The following OLFM3 variants were observed in gnomAD, a reference collection of about 807,000 sequenced individuals.
The protein encoded by OLFM3 is noelin-3.
A neutral mutation model predicts 48.6 loss-of-function variants in OLFM3; 20 were observed. The ratio of observed to expected loss-of-function variants is 0.41; its 90% CI spans 0.29 to 0.60. The LOEUF (loss-of-function observed/expected upper bound fraction) is 0.60. Ranked by LOEUF, OLFM3 falls within the 20% of genes least tolerant of loss-of-function variation. The pLI, the probability that OLFM3 is intolerant of heterozygous loss-of-function variation, is 0.28. For missense variants in OLFM3, 437 were observed against 544.3 expected (o/e 0.80, Z 1.96); for synonymous variants, 222 against 198.1 (o/e 1.12, Z -1.01).
chr1:101,940,954 G>A (rs748752583), intron 1 of OLFM3, among the ~76,000 whole-genome samples: 28 of 152,056 alleles, frequency 1.8e-4, no homozygotes, highest in Non-Finnish European at 4.0e-4. Context: ...TCCTGAATCT[G>A]TACTGGTGGA....
intron 1 of OLFM3, among the ~76,000 whole-genome samples, chr1:101,955,996 A>T (rs2101076828): frequency 6.6e-6 from 1 of 151,288 alleles, no homozygotes; most frequent in South Asian, 2.1e-4. Context: ...TCTATTTCTC[A>T]GTTTATACAT....
chr1:101,825,397 A>T (rs1394771548), intron 3 of OLFM3, 152 bp from the exon 4 acceptor site: 3 of 651,256 alleles, frequency 4.6e-6, no homozygotes, highest in Non-Finnish European at 7.8e-6. Flanking sequence ...TGAAAATTTA[A>T]GCGGTCATGT....
At chr1:101,843,427 G>A (rs537540807) in intron 1 of OLFM3, among the ~76,000 whole-genome samples, 7 of 152,238 alleles carry the variant, frequency 4.6e-5, no homozygotes, top group South Asian at 4.1e-4. Context: ...CAAGAGACGC[G>A]CCAGAGGGAG....
intron 1 of OLFM3, among the ~76,000 whole-genome samples, chr1:101,960,647 C>T (rs949857371): frequency 5.9e-5 from 9 of 151,352 alleles, no homozygotes; most frequent in African/African-American, 1.7e-4. Flanking sequence ...GCCAAATTGC[C>T]TTATTAATTC....
chr1:101,924,868 T>C (rs1280844260), intron 1 of OLFM3, among the ~76,000 whole-genome samples: 1 of 152,132 alleles, frequency 6.6e-6, no homozygotes, highest in Non-Finnish European at 1.5e-5. Flanking sequence ...AACAATGTAG[T>C]AAGAAGCTGA....
At chr1:101,927,903 T>C (rs529961233) in intron 1 of OLFM3, among the ~76,000 whole-genome samples, 1 of 152,044 alleles carries the variant, frequency 6.6e-6, no homozygotes, top group Non-Finnish European at 1.5e-5. Flanking sequence ...TCTTGAATTT[T>C]TGATAAAAAC....
intron 1 of OLFM3, among the ~76,000 whole-genome samples, chr1:101,921,977 T>G (rs1557731435): frequency 1.3e-5 from 2 of 152,178 alleles, no homozygotes; most frequent in South Asian, 4.1e-4. Flanking sequence ...AAGAATGGCT[T>G]GAACCCGGGA....
chr1:101,884,334 T>C (rs900758732), intron 1 of OLFM3, among the ~76,000 whole-genome samples: 4 of 151,916 alleles, frequency 2.6e-5, no homozygotes, highest in African/African-American at 4.8e-5. Flanking sequence ...AGATTGACTT[T>C]AAAAATGTCA....
chr1:101,934,219 C>T (rs1386963037), intron 1 of OLFM3, among the ~76,000 whole-genome samples: 4 of 152,142 alleles, frequency 2.6e-5, no homozygotes, highest in Non-Finnish European at 4.4e-5. Context: ...CTTCAAGAGA[C>T]ACATCTCTCA....
chr1:101,956,565 C>A (rs1660304400), intron 1 of OLFM3, among the ~76,000 whole-genome samples: 1 of 151,872 alleles, frequency 6.6e-6, no homozygotes, highest in Admixed American at 6.6e-5. Flanking sequence ...CAGAGTTCTA[C>A]CTTCAATGGG....
At chr1:101,831,980 A>G (rs763370649) in intron 2 of OLFM3, among the ~76,000 whole-genome samples, 6 of 151,988 alleles carry the variant, frequency 3.9e-5, no homozygotes, top group Non-Finnish European at 8.8e-5. Flanking sequence ...TCAGCTCACC[A>G]CAACCTCCGC....
intron 1 of OLFM3, among the ~76,000 whole-genome samples, chr1:101,989,253 G>C (rs1230321020): frequency 1.3e-5 from 2 of 152,072 alleles, no homozygotes; most frequent in Non-Finnish European, 2.9e-5. Flanking sequence ...GGCTTGGTAT[G>C]AAAATAACAG....
chr1:101,921,234 A>ACACACAC (rs1659085476), intron 1 of OLFM3, among the ~76,000 whole-genome samples: 1 of 102,256 alleles, frequency 9.8e-6, no homozygotes, highest in Non-Finnish European at 2.2e-5. Context: ...CACACACACA[A>ACACACAC]ATATTCCTTT....
At chr1:101,944,786 A>T (rs1346724352) in intron 1 of OLFM3, among the ~76,000 whole-genome samples, 1 of 152,004 alleles carries the variant, frequency 6.6e-6, no homozygotes, top group Non-Finnish European at 1.5e-5. Context: ...AGGCTGAGGC[A>T]GGAGAATTGC....
intron 1 of OLFM3, among the ~76,000 whole-genome samples, chr1:101,935,152 TA>T (rs200977646): frequency 3.4e-5 from 5 of 149,212 alleles, no homozygotes; most frequent in African/African-American, 7.4e-5. Flanking sequence ...ATCTTTTGTA[TA>T]AAAAAAAATA....
intron 1 of OLFM3, among the ~76,000 whole-genome samples, chr1:101,870,717 T>G (rs1557709780): frequency 6.6e-6 from 1 of 152,044 alleles, no homozygotes; most frequent in Non-Finnish European, 1.5e-5. Context: ...GGGGTCTTTT[T>G]TTTTCACAGT....
At chr1:101,881,353 T>C (rs1657518309) in intron 1 of OLFM3, among the ~76,000 whole-genome samples, 1 of 151,890 alleles carries the variant, frequency 6.6e-6, no homozygotes, top group African/African-American at 2.4e-5. Context: ...AACATTGAGA[T>C]ATCCTGAACT....
intron 1 of OLFM3, among the ~76,000 whole-genome samples, chr1:101,907,640 T>C (rs1658598530): frequency 1.3e-5 from 2 of 152,224 alleles, no homozygotes; most frequent in Admixed American, 6.5e-5. Context: ...GTTTTCAACA[T>C]TACATGTCAT....
intron 1 of OLFM3, among the ~76,000 whole-genome samples, chr1:101,987,731 A>T (rs1334731886): frequency 6.6e-6 from 1 of 152,154 alleles, no homozygotes; most frequent in Non-Finnish European, 1.5e-5. Context: ...TATTTAAATC[A>T]TCAAGGGGCA....
Sources: gnomAD v4.1 joint callset for allele counts (sites outside exome capture counted in the v4.1 genomes callset) on GRCh38, gnomAD v4.1.1 for gene constraint, MANE v1.5 for transcripts, NCBI Gene and HGNC (gene_info 2026-07-23, HGNC 2026-07-21) for gene names.